Variants in MGST2 observed in about 807,000 individuals in gnomAD.
The protein encoded by MGST2 is glutathione peroxidase MGST2.
Under a neutral mutation model 16.6 loss-of-function variants are expected in MGST2, and 9 were observed. The ratio of observed to expected loss-of-function variants is 0.54; its 90% CI spans 0.33 to 0.95. The LOEUF (loss-of-function observed/expected upper bound fraction) is 0.95, where lower values mean the gene tolerates loss of function less well. Ranked by LOEUF, MGST2 falls within the 40% of genes least tolerant of loss-of-function variation. The pLI, the probability that MGST2 is intolerant of heterozygous loss-of-function variation, is 0.03. For missense variants in MGST2, 159 were observed against 175.1 expected (o/e 0.91, Z 0.52); for synonymous variants, 79 against 68.0 (o/e 1.16, Z -0.79).
chr4:139,683,922 T>G (rs1009260623), intron 2 of MGST2, among the ~76,000 whole-genome samples: 4 of 124,432 alleles, frequency 3.2e-5, no homozygotes, highest in Non-Finnish European at 5.0e-5. Context: ...GTTTTGTGTT[T>G]TTTTTTTTTT....
rs76574226 is a variant in MGST2 at position 139,698,836 on chromosome 4, T to C, written c.229+3569T>C. ...CTTTCTTCATCTTCTTTTTTTTTTT[T>C]CCACTGGTCCTTGCACTGAATTCAT... On this transcript the variant is annotated intron_variant, in intron 3 of 4. Transcript: ENST00000265498. Among the ~76,000 whole-genome samples, 40 of 152,208 alleles carry C rather than the reference T, an allele frequency of 2.6e-4. No homozygotes were observed. The East Asian group carries it at 6.0e-3, about 23-fold the overall frequency.
At position 139,702,844 on chromosome 4, in the gene MGST2, G is replaced by GTTTTTTTTTTTT. The variant is rs70943436; in HGVS notation, c.230-596_230-585dup. 9.3e-3 allele frequency among the ~76,000 whole-genome samples: 433 copies of GTTTTTTTTTTTT among 46,378 alleles called. 41 individuals are homozygous for GTTTTTTTTTTTT. The highest frequency in any genetic ancestry group is 0.013 in the Non-Finnish European group (300 of 22,406). 30.4% of individuals were successfully genotyped at this position (46,378 alleles called of 152,430 possible). On this transcript the variant is annotated intron_variant, in intron 3 of 4. Coordinates refer to ENST00000265498, the MANE Select transcript of MGST2 (RefSeq NM_002413.5). ...TCCTCACCAACATTTTGTGTTACTG[G>GTTTTTTTTTTTT]TTTTTTTTTTTTTTTTTTTTTTTTT...
intron 5 of MGST2, chr4:139,719,481 T>C: frequency 6.2e-7 from 1 of 1,614,014 alleles, no homozygotes; most frequent in Non-Finnish European, 8.5e-7. Context: ...TGAGGGGCAT[T>C]CCGCTCATAG....
chr4:139,671,328 A>T (rs1730682248), intron 1 of MGST2, among the ~76,000 whole-genome samples: 1 of 152,146 alleles, frequency 6.6e-6, no homozygotes, highest in Non-Finnish European at 1.5e-5. Flanking sequence ...CTCTGGAGAA[A>T]GCTAGGGAAA....
rs118063098 is a variant in MGST2, at chr4:139,727,945, G to A, written c.*49-12267G>A. ...AAAAACTGAGAGCTGGCCGGGTGCC[G>A]TGGCTCACACCTGTAACCCCAGCAC... On this transcript the variant is annotated intron_variant, in intron 5 of 5. Transcript: ENST00000616265. Among the ~76,000 whole-genome samples the A allele has an allele frequency of 4.3e-4, 66 of 152,282 alleles. No individual in the cohort carries two copies. In the East Asian group the frequency reaches 5.4e-3, roughly 12 times the overall value.
At chr4:139,698,516 A>G in intron 3 of MGST2, 1 of 1,143,488 alleles carries the variant, frequency 8.7e-7, no homozygotes, top group Non-Finnish European at 1.3e-6. Flanking sequence ...GTGCTTTACC[A>G]CCGGTCGATT....
intron 5 of MGST2, among the ~76,000 whole-genome samples, chr4:139,736,384 T>C (rs1728947275): frequency 1.3e-5 from 2 of 152,188 alleles, no homozygotes; most frequent in African/African-American, 4.8e-5. Context: ...AGCAGTTTTA[T>C]GTTATTGAGC....
At chr4:139,713,471 G>C (rs1359551783) in intron 5 of MGST2, among the ~76,000 whole-genome samples, 4 of 1,030 alleles carry the variant, frequency 3.9e-3, no homozygotes, top group South Asian at 0.029. Context: ...AGAGTGGCAA[G>C]ACAGAAAAAA....
At chr4:139,693,667 G>A (rs901308300) in intron 2 of MGST2, among the ~76,000 whole-genome samples, 5 of 152,134 alleles carry the variant, frequency 3.3e-5, no homozygotes, top group African/African-American at 4.8e-5. Flanking sequence ...TGCCAAGAAC[G>A]AGAAGCAGCA....
chr4:139,703,430 C>CT (rs752384357), intron 3 of MGST2, 25 bp from the exon 4 acceptor site: 584 of 1,570,940 alleles, frequency 3.7e-4, no homozygotes, highest in Admixed American at 7.7e-4. Context: ...TGTGCCTTTT[C>CT]TTTTTTTTTC....
rs533710421 is a variant in MGST2 at position 139,701,476 on chromosome 4, A to G, written c.230-1979A>G. ...CCCTCCAGAGGCCTTCCTATACCCC[A>G]TTTTGGCAACCTCCTCCAGTTCCTC... On this transcript the variant is annotated intron_variant, in intron 3 of 4. Coordinates refer to ENST00000265498, the MANE Select transcript of MGST2 (RefSeq NM_002413.5). Among the ~76,000 whole-genome samples the G allele has an allele frequency of 2.6e-5, 4 of 151,956 alleles. No individual in the cohort carries two copies. In the South Asian group the frequency reaches 6.2e-4, roughly 24 times the overall value.
In MGST2 at chr4:139,703,405, A is replaced by ACTG. The variant is rs1727379739; in HGVS notation, c.230-46_230-44dup. ...CAGTCGTCGTACAACATCTTAAGAGACTGCTGTTGTATTTTGTGCCTTTTC... is the reference window on the plus strand; with the variant it reads ...CAGTCGTCGTACAACATCTTAAGAGACTGCTGCTGTTGTATTTTGTGCCTTTTC... On this transcript the variant is annotated intron_variant, in intron 3 of 4. Coordinates refer to ENST00000265498, the MANE Select transcript of MGST2 (RefSeq NM_002413.5). 11 of 1,408,076 alleles carry ACTG rather than the reference A, an allele frequency of 7.8e-6. No individual in the cohort carries two copies. In the South Asian group the frequency reaches 1.3e-4, roughly 16 times the overall value. The allele number at this position is 1,408,076 out of a possible 1,614,324, so 87.2% of individuals were successfully genotyped here. A position where few individuals can be genotyped will look rare whatever the true frequency, so the allele number is the denominator to read the frequency against.
intron 5 of MGST2, among the ~76,000 whole-genome samples, chr4:139,736,233 T>C (rs1728940665): frequency 6.6e-6 from 1 of 152,188 alleles, no homozygotes; most frequent in African/African-American, 2.4e-5. Context: ...TATCAAAAGA[T>C]AGCTACATCC....
intron 5 of MGST2, among the ~76,000 whole-genome samples, chr4:139,726,997 C>T (rs1329381284): frequency 6.6e-6 from 1 of 152,192 alleles, no homozygotes; most frequent in East Asian, 1.9e-4. Context: ...AAGCACCTTT[C>T]ATCTGCAAGG....
rs1730305384 is a variant in MGST2 at position 139,665,912 on chromosome 4, C to T, written c.-108C>T. 1.8e-6 allele frequency: 2 copies of T among 1,126,348 alleles called. No individual in the cohort carries two copies. The highest frequency in any genetic ancestry group is 2.7e-6 in the Non-Finnish European group (2 of 750,828). 69.8% of individuals were successfully genotyped at this position (1,126,348 alleles called of 1,614,324 possible). On this transcript the variant is annotated 5_prime_UTR_variant, in exon 1 of 5. Coordinates refer to ENST00000265498, the MANE Select transcript of MGST2 (RefSeq NM_002413.5). ...TTCAGCCGCTTGAATCAGCCTTTTC[C>T]CCCCACCCGGTCCCCAACTTTGTTT...
chr4:139,683,127 G>C (rs1023394497), intron 2 of MGST2, among the ~76,000 whole-genome samples: 1 of 152,222 alleles, frequency 6.6e-6, no homozygotes, highest in African/African-American at 2.4e-5. Context: ...TGGACCAGCA[G>C]TCCAGGCTTT....
chr4:139,690,648 G>A (rs189774355), intron 2 of MGST2, among the ~76,000 whole-genome samples: 1 of 152,086 alleles, frequency 6.6e-6, no homozygotes, highest in Non-Finnish European at 1.5e-5. Context: ...TATTTTTATG[G>A]GGCTGTGCAA....
intron 5 of MGST2, among the ~76,000 whole-genome samples, chr4:139,712,103 A>G (rs904984085): frequency 6.0e-5 from 9 of 150,630 alleles, no homozygotes; most frequent in African/African-American, 2.2e-4. Context: ...GTATTCCACA[A>G]GAGTAAAGCA....
At chr4:139,696,777 T>G (rs770022648) in intron 3 of MGST2, among the ~76,000 whole-genome samples, 14 of 152,228 alleles carry the variant, frequency 9.2e-5, no homozygotes, top group Non-Finnish European at 1.8e-4. Flanking sequence ...AATGCTAGCA[T>G]CTTCAATGGT....
Sources: gnomAD v4.1 joint callset for allele counts (sites outside exome capture counted in the v4.1 genomes callset) on GRCh38, gnomAD v4.1.1 for gene constraint, MANE v1.5 for transcripts, NCBI Gene and HGNC (gene_info 2026-07-23, HGNC 2026-07-21) for gene names.